The following SLC22A23 variants were observed in gnomAD, a reference collection of about 807,000 sequenced individuals.
The protein encoded by SLC22A23 is solute carrier family 22 member 23.
SLC22A23 carries 26 observed loss-of-function variants against 61.0 expected under a neutral mutation model. The ratio of observed to expected loss-of-function variants is 0.43; its 90% CI spans 0.31 to 0.59. The LOEUF (loss-of-function observed/expected upper bound fraction) is 0.59, where lower values mean the gene tolerates loss of function less well. SLC22A23 is among the 20% of genes least tolerant of loss of function. The pLI, the probability that SLC22A23 is intolerant of heterozygous loss-of-function variation, is 0.11. For synonymous variants in SLC22A23, 430 were observed against 413.9 expected (o/e 1.04, Z -0.47); for missense variants, 796 against 934.7 (o/e 0.85, Z 1.94).
At chr6:3,323,756 T>C in intron 4 of SLC22A23, 78 bp downstream of exon 4, 1 of 1,473,656 alleles carries the variant, frequency 6.8e-7, no homozygotes, top group Non-Finnish European at 9.1e-7. Flanking sequence ...GTGGGGATTG[T>C]GTGTCCTGCC....
In SLC22A23 at chr6:3,318,262, G is replaced by A. The variant is rs1762756036; in HGVS notation, c.1082+5572C>T. On this transcript the variant is annotated intron_variant, in intron 4 of 9. Transcript: ENST00000406686. This position sits in a 1 kb window ranked among gnomAD's most constrained non-coding sequence, Gnocchi z 4.3. ...AGAGAGGCTGCTCCTCCCAGGGTTC[G>A]CTAATTCCTAGACAGAGTAAAAGAT... Among the ~76,000 whole-genome samples the A allele has an allele frequency of 1.3e-5, 2 of 152,130 alleles. No homozygotes were observed. Among genetic ancestry groups the A allele is most frequent in the South Asian group, 2.1e-4 (1 of 4,824 alleles).
At chr6:3,408,387 CA>C (rs1173802622) in intron 3 of SLC22A23, among the ~76,000 whole-genome samples, 1 of 152,188 alleles carries the variant, frequency 6.6e-6, no homozygotes, top group East Asian at 1.9e-4. Flanking sequence ...TGTCACAGTG[CA>C]AGTCAGTAAA....
intron 3 of SLC22A23, among the ~76,000 whole-genome samples, chr6:3,334,684 A>G (rs761338000): frequency 6.6e-6 from 1 of 152,246 alleles, no homozygotes; most frequent in Non-Finnish European, 1.5e-5. Flanking sequence ...GAACGTGTGA[A>G]GCCCGCCGGG....
In SLC22A23 at chr6:3,386,742, G is replaced by A. The variant is rs890113102; in HGVS notation, c.913+23446C>T. 1.3e-5 allele frequency among the ~76,000 whole-genome samples: 2 copies of A among 152,224 alleles called. No individual in the cohort carries two copies. Among genetic ancestry groups the A allele is most frequent in the African/African-American group, 2.4e-5 (1 of 41,472 alleles). ...CAGCGTGGGAGGGGTGGAGGCGGCA[G>A]TGGGACTGGGTCTCCCACCCAGGGC... On this transcript the variant is annotated intron_variant, in intron 3 of 9. Transcript: ENST00000406686. The surrounding 1 kb of genome is among the most constrained non-coding windows in gnomAD (Gnocchi z 4.4).
At chr6:3,419,157 C>G (rs1769945426) in intron 1 of SLC22A23, among the ~76,000 whole-genome samples, 1 of 152,068 alleles carries the variant, frequency 6.6e-6, no homozygotes, top group Admixed American at 6.6e-5. Flanking sequence ...AGTACAAAAC[C>G]AGAACTGAAT....
At chr6:3,366,316 G>T (rs1324355896) in intron 3 of SLC22A23, among the ~76,000 whole-genome samples, 1 of 112,854 alleles carries the variant, frequency 8.9e-6, no homozygotes, top group East Asian at 2.6e-4. Flanking sequence ...CTGGGTGACA[G>T]AGCAAGACTC....
intron 1 of SLC22A23, among the ~76,000 whole-genome samples, chr6:3,440,704 C>T (rs1771533428): frequency 1.1e-5 from 1 of 91,508 alleles, no homozygotes; most frequent in African/African-American, 5.2e-5. Context: ...AAGACTCCGT[C>T]TCAGAAAAAA....
At chr6:3,413,668 C>T (rs1339129506) in intron 2 of SLC22A23, among the ~76,000 whole-genome samples, 2 of 152,256 alleles carry the variant, frequency 1.3e-5, no homozygotes, top group Non-Finnish European at 2.9e-5. Context: ...TAAATGCTGA[C>T]TGCAGCCTTA....
intron 3 of SLC22A23, among the ~76,000 whole-genome samples, chr6:3,389,884 G>C (rs967985000): frequency 2.6e-5 from 4 of 152,274 alleles, no homozygotes; most frequent in Non-Finnish European, 5.9e-5. Context: ...GAACGGCCTT[G>C]CTGGAACCGG....
intron 3 of SLC22A23, among the ~76,000 whole-genome samples, chr6:3,336,640 C>T (rs1290597391): frequency 6.6e-6 from 1 of 152,236 alleles, no homozygotes; most frequent in East Asian, 1.9e-4. Flanking sequence ...TCCTTCCTAA[C>T]GTCTAGCATT....
chr6:3,290,066 TC>T (rs1319443505), intron 5 of SLC22A23, 200 bp from the exon 6 acceptor site: 1 of 602,430 alleles, frequency 1.7e-6, no homozygotes, highest in Non-Finnish European at 2.9e-6. Flanking sequence ...GCTTTGCAGT[TC>T]AGGTTTCGCT....
chr6:3,373,168 C>T (rs1050068458), intron 3 of SLC22A23, among the ~76,000 whole-genome samples: 7 of 152,214 alleles, frequency 4.6e-5, no homozygotes, highest in African/African-American at 1.2e-4. Context: ...GCAGCCTGTG[C>T]CTGTGTGACC....
Position 3,273,193 on chromosome 6 carries a change from C to G in SLC22A23, c.1923G>C (p.Leu641=). The G allele has an allele frequency of 6.2e-7, 1 of 1,613,148 alleles. No individual in the cohort carries two copies. Among genetic ancestry groups the G allele is most frequent in the South Asian group, 1.1e-5 (1 of 91,006 alleles). ...GCTGCTCCCCCTTCTTGTGCGGCAG[C>G]AGCGGCTGGCGCGTGTAGTGCTCCC... is the stretch of plus-strand genomic sequence containing the variant. ...SNGEHYTRQP[L]LPHKKGEQPL... The change falls in exon 10 of 10, where the codon CTG becomes CTC. Residue 641 remains leucine (L), a synonymous_variant. Coordinates refer to ENST00000406686, the MANE Select transcript of SLC22A23 (RefSeq NM_015482.2).
At chr6:3,277,382 C>CCT (rs1158942733) in intron 9 of SLC22A23, among the ~76,000 whole-genome samples, 6 of 151,790 alleles carry the variant, frequency 4.0e-5, no homozygotes, top group Non-Finnish European at 7.4e-5. Context: ...CTTCCAGGAA[C>CCT]CTCTGCTCCT....
At chr6:3,350,031 G>A (rs1764672909) in intron 3 of SLC22A23, among the ~76,000 whole-genome samples, 1 of 152,184 alleles carries the variant, frequency 6.6e-6, no homozygotes, top group Non-Finnish European at 1.5e-5. Flanking sequence ...TAAAAGTCTG[G>A]TGGATGAGTA....
chr6:3,273,475 C>A, intron 9 of SLC22A23, 63 bp from the exon 10 acceptor site: 1 of 1,576,416 alleles, frequency 6.3e-7, no homozygotes, highest in South Asian at 1.1e-5. Context: ...CCCGGGAAAG[C>A]TCGGGGTGGA....
At position 3,290,043 on chromosome 6, in the gene SLC22A23, T is replaced by C. The variant is rs1313251524; in HGVS notation, c.1211-177A>G. 4 of 622,302 alleles carry C rather than the reference T, an allele frequency of 6.4e-6. No individual in the cohort carries two copies. The African/African-American group carries it at 7.9e-5, about 12-fold the overall frequency. The allele number at this position is 622,302 out of a possible 1,614,324, so 38.5% of individuals were successfully genotyped here. On this transcript the variant is annotated intron_variant, in intron 5 of 9. Transcript: ENST00000406686. ...CTAGGTTTCCAGGATAGAAAGGCACTCATAAGACCCCAGCTTTGCAGTTCA... is the reference window on the plus strand; with the variant it reads ...CTAGGTTTCCAGGATAGAAAGGCACCCATAAGACCCCAGCTTTGCAGTTCA...
chr6:3,389,361 T>C (rs892142865), intron 3 of SLC22A23, among the ~76,000 whole-genome samples: 1 of 151,402 alleles, frequency 6.6e-6, no homozygotes, highest in Non-Finnish European at 1.5e-5. Context: ...CGCTTAACAT[T>C]ATTGAAATGT....
rs1561974476 is a variant in SLC22A23, at chr6:3,427,245, CAG to C, written c.655-11392_655-11391del. Among the ~76,000 whole-genome samples, 68 of 152,250 alleles carry C rather than the reference CAG, an allele frequency of 4.5e-4. No homozygotes were observed. The highest frequency in any genetic ancestry group is 1.6e-3 in the African/African-American group (66 of 41,542). ...AATAACATCGGGAATGCGCCTGGTG[CAG>C]TAACCGGCACAAAGTGATTATTACT... On this transcript the variant is annotated intron_variant, in intron 1 of 9. Transcript: ENST00000406686. The surrounding 1 kb of genome is among the most constrained non-coding windows in gnomAD (Gnocchi z 4.3).
Sources: allele counts gnomAD v4.1 joint callset (sites outside exome capture counted in the v4.1 genomes callset), GRCh38; gene constraint gnomAD v4.1.1; non-coding constraint Gnocchi (gnomAD v3.1); transcripts MANE v1.5; gene names NCBI Gene and HGNC (gene_info 2026-07-23, HGNC 2026-07-21).